The following NAALADL2 variants were observed in gnomAD, a reference collection of about 807,000 sequenced individuals.
NAALADL2 encodes N-acetylated alpha-linked acidic dipeptidase like 2.
Under a neutral mutation model 87.2 loss-of-function variants are expected in NAALADL2, and 76 were observed. That is an observed-to-expected ratio of 0.87 (90% CI 0.72 to 1.05). NAALADL2 has a LOEUF of 1.05. Among genes scored for constraint, NAALADL2 ranks in the 50% least tolerant of loss-of-function variants. NAALADL2 has a pLI of 0.00. For synonymous variants in NAALADL2, 354 were observed against 331.0 expected (o/e 1.07, Z -0.75); for missense variants, 1,089 against 945.8 (o/e 1.15, Z -1.99).
intron 2 of NAALADL2, among the ~76,000 whole-genome samples, chr3:175,220,723 T>C (rs955657405): frequency 6.6e-6 from 1 of 152,192 alleles, no homozygotes; most frequent in Non-Finnish European, 1.5e-5. Context: ...ATTTCCTTTT[T>C]AAAAATTTGA....
chr3:175,757,036 G>T (rs981419093), intron 13 of NAALADL2, among the ~76,000 whole-genome samples: 2 of 151,482 alleles, frequency 1.3e-5, no homozygotes, highest in African/African-American at 4.8e-5. Flanking sequence ...GTATGTGTAT[G>T]TATGTATGTA....
At chr3:175,057,827 G>A (rs1489788767) in intron 1 of NAALADL2, among the ~76,000 whole-genome samples, 1 of 152,148 alleles carries the variant, frequency 6.6e-6, no homozygotes, top group Non-Finnish European at 1.5e-5. Context: ...GAGACACTAA[G>A]TTATCCCCCT....
At chr3:175,748,872 A>C (rs1746260370) in intron 12 of NAALADL2, among the ~76,000 whole-genome samples, 1 of 152,098 alleles carries the variant, frequency 6.6e-6, no homozygotes, top group Non-Finnish European at 1.5e-5. Context: ...TAGGATGCTG[A>C]GGCAGGAGGA....
intron 1 of NAALADL2, among the ~76,000 whole-genome samples, chr3:174,982,028 T>C (rs185041575): frequency 1.4e-3 from 220 of 152,312 alleles, no homozygotes; most frequent in African/African-American, 5.2e-3. Flanking sequence ...CAAGGAAAGC[T>C]AGCAAGTCTA....
intron 11 of NAALADL2, among the ~76,000 whole-genome samples, chr3:175,713,449 G>A (rs1740804318): frequency 6.6e-6 from 1 of 152,086 alleles, no homozygotes; most frequent in Non-Finnish European, 1.5e-5. Context: ...TCTTCAGAAT[G>A]TCTTTTACTG....
intron 4 of NAALADL2, among the ~76,000 whole-genome samples, chr3:175,321,718 G>C (rs1339782081): frequency 7.6e-6 from 1 of 131,844 alleles, no homozygotes; most frequent in Non-Finnish European, 1.6e-5. Context: ...GCCAAATCAT[G>C]AGTGAACTCC....
chr3:174,606,344 A>G lies in NAALADL2; in HGVS notation c.-115+55707A>G, dbSNP rs548005036. Among the ~76,000 whole-genome samples, 187 of 152,366 alleles carry G rather than the reference A, an allele frequency of 1.2e-3. 1 individual carries two copies. The highest frequency in any genetic ancestry group is 3.3e-3 in the Admixed American group (50 of 15,306). ...AGAATGACTTTGACGAGTTGAGAGA[A>G]GAAGGCTTCAGACGATCAAACTACT... On this transcript the variant is annotated intron_variant, in intron 2 of 3. Coordinates refer to the NAALADL2 transcript ENST00000434257.
At chr3:174,769,873 T>C (rs957768297) in intron 3 of NAALADL2, among the ~76,000 whole-genome samples, 1 of 152,018 alleles carries the variant, frequency 6.6e-6, no homozygotes, top group Non-Finnish European at 1.5e-5. Flanking sequence ...TTTCTTACTA[T>C]AGATGTTAAA....
intron 2 of NAALADL2, among the ~76,000 whole-genome samples, chr3:174,613,733 G>C (rs942285701): frequency 6.6e-6 from 1 of 152,142 alleles, no homozygotes; most frequent in African/African-American, 2.4e-5. Context: ...AAGAGACAAG[G>C]CCTGGAATCA....
intron 2 of NAALADL2, among the ~76,000 whole-genome samples, chr3:174,707,590 G>A (rs193100147): frequency 1.4e-5 from 2 of 147,552 alleles, no homozygotes; most frequent in Admixed American, 1.4e-4. Flanking sequence ...GGTGGGAATT[G>A]AACAATGAGA....
At chr3:175,544,637 T>G (rs1712981716) in intron 9 of NAALADL2, among the ~76,000 whole-genome samples, 1 of 152,184 alleles carries the variant, frequency 6.6e-6, no homozygotes, top group African/African-American at 2.4e-5. Flanking sequence ...ACTCAAAAGA[T>G]CAGAGTGGAT....
chr3:175,357,421 C>T (rs1764510488), intron 5 of NAALADL2, among the ~76,000 whole-genome samples: 2 of 152,110 alleles, frequency 1.3e-5, no homozygotes, highest in Non-Finnish European at 2.9e-5. Context: ...TTTTCCTTTT[C>T]TGTATTAAAG....
At chr3:175,710,355 A>G (rs146365658) in intron 11 of NAALADL2, among the ~76,000 whole-genome samples, 21 of 152,116 alleles carry the variant, frequency 1.4e-4, no homozygotes, top group African/African-American at 5.1e-4. Flanking sequence ...GAAAAGAATA[A>G]GAGGGTTGAT....
chr3:174,492,163 G>C (rs1456978531), intron 1 of NAALADL2, among the ~76,000 whole-genome samples: 1 of 151,834 alleles, frequency 6.6e-6, no homozygotes, highest in Non-Finnish European at 1.5e-5. Flanking sequence ...TCAGCTGCTT[G>C]GGAGGCTGAG....
At chr3:175,605,969 G>T (rs1280140672) in intron 10 of NAALADL2, among the ~76,000 whole-genome samples, 2 of 152,142 alleles carry the variant, frequency 1.3e-5, no homozygotes, top group African/African-American at 4.8e-5. Flanking sequence ...TTTGTCACAA[G>T]ACTGGTGAGG....
intron 1 of NAALADL2, among the ~76,000 whole-genome samples, chr3:174,927,213 C>T (rs190375070): frequency 6.6e-6 from 1 of 152,070 alleles, no homozygotes; most frequent in Non-Finnish European, 1.5e-5. Context: ...TAAAGCAAGT[C>T]CTTAGAGACC....
chr3:175,708,386 T>A (rs1199221382), intron 11 of NAALADL2, among the ~76,000 whole-genome samples: 1 of 152,030 alleles, frequency 6.6e-6, no homozygotes, highest in African/African-American at 2.4e-5. Flanking sequence ...ATGATCCAGA[T>A]GAATAATGGT....
chr3:175,511,555 G>C (rs1019023876), intron 9 of NAALADL2, among the ~76,000 whole-genome samples: 3 of 152,180 alleles, frequency 2.0e-5, no homozygotes, highest in Admixed American at 6.5e-5. Flanking sequence ...TGGACGACTA[G>C]TCTCCAAAAC....
chr3:175,383,210 T>C (rs1405579117), intron 5 of NAALADL2, among the ~76,000 whole-genome samples: 1 of 152,084 alleles, frequency 6.6e-6, no homozygotes, highest in Admixed American at 6.6e-5. Flanking sequence ...TCTTAGTTGT[T>C]TTGAAATACA....
Sources: allele counts gnomAD v4.1 joint callset (sites outside exome capture counted in the v4.1 genomes callset), GRCh38; gene constraint gnomAD v4.1.1; transcripts MANE v1.5; gene names NCBI Gene and HGNC (gene_info 2026-07-23, HGNC 2026-07-21).